The following PLA2G4B variants were observed in gnomAD, a reference collection of about 807,000 sequenced individuals.
PLA2G4B encodes cytosolic phospholipase A2 beta.
Under a neutral mutation model 95.8 loss-of-function variants are expected in PLA2G4B, and 122 were observed. The ratio of observed to expected loss-of-function variants is 1.27; its 90% CI spans 1.10 to 1.48. The LOEUF is 1.48. PLA2G4B is among the 40% of genes most tolerant of loss of function. The probability of loss-of-function intolerance (pLI) is 0.00; values close to 1 mark genes in which losing one functional copy is unlikely to be tolerated. For synonymous variants in PLA2G4B, 518 were observed against 421.5 expected (o/e 1.23, Z -2.80); for missense variants, 1,158 against 996.2 (o/e 1.16, Z -2.19).
rs201446325 is a variant in PLA2G4B at position 41,840,244 on chromosome 15, G to T, written c.82+14G>T. ...CTAAGGACCTAGGTGAGTGCGCACC[G>T]CCCTGGCCCCTGTGCTGGGCTGAGG... is the stretch of plus-strand genomic sequence containing the variant. On this transcript the variant is annotated intron_variant, in intron 2 of 19. Coordinates refer to ENST00000458483, the MANE Select transcript of PLA2G4B (RefSeq NM_001114633.2). 83 of 1,612,370 alleles carry T rather than the reference G, an allele frequency of 5.1e-5. No homozygotes were observed. Among genetic ancestry groups the T allele is most frequent in the Admixed American group, 1.2e-4 (7 of 60,018 alleles).
chr15:41,840,970 GCACA>G (rs961451171), intron 4 of PLA2G4B, 65 bp downstream of exon 4: 9 of 1,586,066 alleles, frequency 5.7e-6, no homozygotes, highest in Non-Finnish European at 6.9e-6. Context: ...GCGCACACAT[GCACA>G]CACACGCATG....
intron 14 of PLA2G4B, 148 bp from the exon 15 acceptor site, chr15:41,845,490 G>A: frequency 6.8e-7 from 1 of 1,461,928 alleles, no homozygotes; most frequent in Non-Finnish European, 9.1e-7. Flanking sequence ...GAAGGAGGCA[G>A]GGGCCTTAGG....
In PLA2G4B at chr15:41,845,664, G is replaced by T. The variant is rs1480743790; in HGVS notation, c.1384G>T (p.Val462Phe). ...GTGGTGCGAGTTCTCTCCCTACGAG[G>T]TCGGCTTCCCCAAGTACGGGGCCTT... The part of the protein sequence containing the change: ...GEWCEFSPYE[V>F]GFPKYGAFIP... The change falls in exon 15 of 20, where the codon GTC becomes TTC. Residue 462 changes from valine to phenylalanine, a missense_variant. Val to Phe is a conservative substitution (Grantham distance 50). Coordinates refer to ENST00000458483, the MANE Select transcript of PLA2G4B (RefSeq NM_001114633.2). The T allele has an allele frequency of 6.2e-7, 1 of 1,614,152 alleles. No homozygotes were observed.
chr15:41,846,220 C>T lies in PLA2G4B; in HGVS notation c.1618C>T (p.Leu540Phe), dbSNP rs759324440. The T allele has an allele frequency of 2.5e-6, 4 of 1,613,918 alleles. No individual in the cohort carries two copies. Among genetic ancestry groups the T allele is most frequent in the East Asian group, 2.2e-5 (1 of 44,868 alleles). Residue 540 changes from leucine to phenylalanine, a missense_variant, in exon 17 of 20, where the codon CTT becomes TTT. By Grantham distance (22) the Leu-to-Phe change is conservative (BLOSUM62 0). Transcript: ENST00000458483. ...CTGTGTAGACAAGGAGCAGGTCCCC[C>T]TTCTGAAGATAGAAGAACCACCCTC... ...QANLDKEQVP[L>F]LKIEEPPSTA...
rs1262067452 is a variant in PLA2G4B at position 41,843,702 on chromosome 15, G to T, written c.770G>T (p.Gly257Val). 1 of 1,613,862 alleles carries T rather than the reference G, an allele frequency of 6.2e-7. No homozygotes were observed. The highest frequency in any genetic ancestry group is 8.5e-7 in the Non-Finnish European group (1 of 1,179,928). ...CTGAGGGAGCTGGCCGTGCGACTGG[G>T]CTTCGGGCCCTGTGCAGAGGAGCAG... ...AGLRELAVRL[G>V]FGPCAEEQAF... is the part of the protein sequence containing the mutation. The change falls in exon 11 of 20, where the codon GGC (glycine) becomes GTC (valine). Residue 257 changes from glycine (G) to valine (V), a missense_variant. Gly to Val is a moderately radical substitution (Grantham distance 109). Transcript: ENST00000458483.
rs1383038734 is a variant in PLA2G4B at position 41,846,767 on chromosome 15, C to T, written c.1879C>T (p.Leu627Phe). The T allele has an allele frequency of 1.2e-6, 2 of 1,614,004 alleles. No individual in the cohort carries two copies. The highest frequency in any genetic ancestry group is 1.7e-5 in the Admixed American group (1 of 60,028). The change falls in exon 18 of 20, where the codon CTC becomes TTC. Residue 627 changes from leucine (L) to phenylalanine (F), a missense_variant. Physicochemically the swap from Leu to Phe is conservative, Grantham distance 22. Transcript: ENST00000458483. ...CCTCATCAATACCAGCTGCCTGCCC[C>T]TCCTGCAGCCCACTCGGGACGTGGA... ...GYLINTSCLP[L>F]LQPTRDVDLI...
intron 3 of PLA2G4B, 30 bp downstream of exon 3, chr15:41,840,690 C>G: frequency 6.2e-7 from 1 of 1,607,322 alleles, no homozygotes; most frequent in Non-Finnish European, 8.5e-7. Flanking sequence ...TGACTCTACC[C>G]ACATCCTCGC....
Position 41,847,745 on chromosome 15 carries a change from AGGACGT to A in PLA2G4B, c.2236_2241del (p.Val746_Asp747del), listed in dbSNP as rs1337908234. 1 of 1,613,612 alleles carries A rather than the reference AGGACGT, an allele frequency of 6.2e-7. No individual in the cohort carries two copies. The highest frequency in any genetic ancestry group is 1.3e-5 in the African/African-American group (1 of 74,936). On this transcript the variant is annotated inframe_deletion, in exon 20 of 20. Coordinates refer to ENST00000458483, the MANE Select transcript of PLA2G4B (RefSeq NM_001114633.2). Reference sequence around the variant, plus strand: ...TACACGAAGGTGACCTACAGCCAGGAGGACGTGGACAAGCTGCTGCACCTGACACAT... The same window carrying A: ...TACACGAAGGTGACCTACAGCCAGGAGGACAAGCTGCTGCACCTGACACAT...
Position 41,847,354 on chromosome 15 carries a change from C to G in PLA2G4B, c.1965C>G (p.Gly655=). The change falls in exon 19 of 20, where the codon GGC becomes GGG. Residue 655 remains glycine, a synonymous_variant. Coordinates refer to ENST00000458483, the MANE Select transcript of PLA2G4B (RefSeq NM_001114633.2). ...HGAFQQLQLL[G]RFCQEQGIPF... is the part of the protein sequence containing the mutation. Reference sequence around the variant, plus strand: ...CCCTGCAGCAGTTGCAGCTCCTGGGCCGGTTCTGCCAGGAGCAGGGGATCC... The same window carrying G: ...CCCTGCAGCAGTTGCAGCTCCTGGGGCGGTTCTGCCAGGAGCAGGGGATCC... 6.2e-7 allele frequency: 1 copy of G among 1,605,736 alleles called. No homozygotes were observed. Among genetic ancestry groups the G allele is most frequent in the South Asian group, 1.1e-5 (1 of 90,774 alleles).
At chr15:41,843,102 A>ATGAAG (rs2065465487) in intron 10 of PLA2G4B, 1 of 125,486 alleles carries the variant, frequency 8.0e-6, no homozygotes. Context: ...TTTTTTTGAG[A>ATGAAG]TGGAGTCTCT....
rs377717902 is a variant in PLA2G4B at position 41,844,992 on chromosome 15, C to T, written c.1161C>T (p.Ala387=). 2.7e-5 allele frequency: 44 copies of T among 1,607,488 alleles called. No individual in the cohort carries two copies. Among genetic ancestry groups the T allele is most frequent in the South Asian group, 1.4e-4 (13 of 90,046 alleles). Residue 387 remains alanine, a synonymous_variant, in exon 13 of 20, where the codon GCC becomes GCT. Transcript: ENST00000458483. The part of the protein sequence containing the change: ...SQLQRYRQEL[A]ERARLGYPSC... ...TGCAGCGGTACCGGCAGGAGCTGGCCGAGCGTGCCCGCTTGGGCTACCCAA... is the reference window on the plus strand; with the variant it reads ...TGCAGCGGTACCGGCAGGAGCTGGCTGAGCGTGCCCGCTTGGGCTACCCAA...
At chr15:41,842,091 G>T in intron 8 of PLA2G4B, 102 bp from the exon 9 acceptor site, 1 of 1,571,650 alleles carries the variant, frequency 6.4e-7, no homozygotes. Context: ...TCCCCTTCCC[G>T]TCCCTCCCAT....
intron 1 of PLA2G4B, 182 bp downstream of exon 1, chr15:41,839,104 G>A (rs552177329): frequency 5.2e-5 from 26 of 499,912 alleles, no homozygotes; most frequent in African/African-American, 2.1e-4. Context: ...TGAGGGATCC[G>A]TCCTGAGTGT....
In PLA2G4B at chr15:41,845,050, G is replaced by A. The variant is rs775582705; in HGVS notation, c.1219G>A (p.Glu407Lys). 2.5e-6 allele frequency: 4 copies of A among 1,598,144 alleles called. No homozygotes were observed. The highest frequency in any genetic ancestry group is 2.3e-5 in the East Asian group (1 of 43,864). Residue 407 changes from glutamate to lysine, a missense_variant, in exon 13 of 20, where the codon GAG becomes AAG. By Grantham distance (56) the Glu-to-Lys change is moderately conservative. Transcript: ENST00000458483. Reference sequence around the variant, plus strand: ...CACCAACCTGTGGGCCCTCATCAACGAGGCGCTGCTGCATGATGAGGTGCG... The same window carrying A: ...CACCAACCTGTGGGCCCTCATCAACAAGGCGCTGCTGCATGATGAGGTGCG... ...CFTNLWALIN[E>K]ALLHDEPHDH...
At position 41,845,186 on chromosome 15, in the gene PLA2G4B, T is replaced by A. The variant is rs759303951; in HGVS notation, c.1240-17T>A. The A allele has an allele frequency of 3.1e-6, 5 of 1,613,964 alleles. No homozygotes were observed. Among genetic ancestry groups the A allele is most frequent in the Admixed American group, 1.7e-5 (1 of 59,996 alleles). On this transcript the variant is annotated splice_polypyrimidine_tract_variant and intron_variant, in intron 13 of 19. Coordinates refer to ENST00000458483, the MANE Select transcript of PLA2G4B (RefSeq NM_001114633.2). ...CCCAGGCCGCTGTGGGTTTAGGTTCTACGCATCTTTCCCCAGCCCCATGAT... is the reference window on the plus strand; with the variant it reads ...CCCAGGCCGCTGTGGGTTTAGGTTCAACGCATCTTTCCCCAGCCCCATGAT...
Position 41,840,206 on chromosome 15 carries a change from C to T in PLA2G4B, c.58C>T (p.His20Tyr). Residue 20 changes from histidine to tyrosine, a missense_variant, in exon 2 of 20, where the codon CAT becomes TAT. By Grantham distance (83) the His-to-Tyr change is moderately conservative. Coordinates refer to ENST00000458483, the MANE Select transcript of PLA2G4B (RefSeq NM_001114633.2). Reference sequence around the variant, plus strand: ...GCTCACGGTTCGTGTCCTGCAGGCCCATCGCCTACCCTCTAAGGACCTAGG... The same window carrying T: ...GCTCACGGTTCGTGTCCTGCAGGCCTATCGCCTACCCTCTAAGGACCTAGG... ...CLLTVRVLQAHRLPSKDLVTP... is the reference protein window; with the variant it reads ...CLLTVRVLQAYRLPSKDLVTP... 1 of 1,613,292 alleles carries T rather than the reference C, an allele frequency of 6.2e-7. No individual in the cohort carries two copies. The highest frequency in any genetic ancestry group is 1.3e-5 in the African/African-American group (1 of 75,042).
intron 11 of PLA2G4B, 82 bp downstream of exon 11, chr15:41,843,893 C>T: frequency 6.5e-7 from 1 of 1,539,454 alleles, no homozygotes; most frequent in Non-Finnish European, 8.7e-7. Flanking sequence ...CTGCTTGTCC[C>T]CGATCTAGAC....
chr15:41,843,954 G>T (rs1238840870), intron 11 of PLA2G4B, 143 bp downstream of exon 11: 25 of 1,416,208 alleles, frequency 1.8e-5, no homozygotes. Context: ...CCTGGTGTTA[G>T]CAGGGACTTG....
intron 1 of PLA2G4B, chr15:41,839,387 A>T (rs1348745092): frequency 6.5e-6 from 1 of 153,816 alleles, no homozygotes; most frequent in Non-Finnish European, 1.4e-5. Context: ...CAGTTGGCAC[A>T]GGCTTCCCTG....
Sources: allele counts gnomAD v4.1 joint callset, GRCh38; gene constraint gnomAD v4.1.1; transcripts MANE v1.5; gene names NCBI Gene and HGNC (gene_info 2026-07-23, HGNC 2026-07-21).